GLIPR1L2: variants seen among roughly 807,000 people sequenced by gnomAD.
The protein encoded by GLIPR1L2 is GLIPR1 like 2, also known as GLIPR1-like protein 2.
GLIPR1L2 carries 21 observed loss-of-function variants against 28.4 expected under a neutral mutation model. The observed-to-expected ratio is 0.74, with a 90% CI of 0.52 to 1.06. GLIPR1L2 has a LOEUF of 1.06. Among genes scored for constraint, GLIPR1L2 ranks in the 50% least tolerant of loss-of-function variants. The pLI is 0.00. For synonymous variants in GLIPR1L2, 145 were observed against 139.3 expected, an observed-to-expected ratio of 1.04 and a Z score of -0.29; for missense variants, 476 against 416.9, an observed-to-expected ratio of 1.14 and a Z score of -1.23.
intron 1 of GLIPR1L2, among the ~76,000 whole-genome samples, chr12:75,405,433 T>G (rs1002340640): frequency 2.0e-5 from 3 of 152,146 alleles, no homozygotes; most frequent in Non-Finnish European, 4.4e-5. Context: ...CTGCCTCTAG[T>G]GAGCAAGGGC....
chr12:75,406,781 GAGAGAGAA>G (rs1387988060), intron 1 of GLIPR1L2, among the ~76,000 whole-genome samples: 90 of 148,214 alleles, frequency 6.1e-4, no homozygotes, highest in Non-Finnish European at 1.1e-3. Flanking sequence ...AAAAGAGAGA[GAGAGAGAA>G]AGAGAGAGAG....
intron 4 of GLIPR1L2, among the ~76,000 whole-genome samples, chr12:75,426,446 T>C (rs1046352699): frequency 1.3e-5 from 2 of 152,194 alleles, no homozygotes; most frequent in Non-Finnish European, 2.9e-5. Flanking sequence ...AGTTCTCCAT[T>C]GTATTATACT....
chr12:75,410,768 C>A (rs928205152), intron 2 of GLIPR1L2, 89 bp downstream of exon 2: 38 of 971,734 alleles, frequency 3.9e-5, no homozygotes, highest in Admixed American at 8.9e-5. Context: ...TACATAAACT[C>A]AAATAATAAA....
intron 1 of GLIPR1L2, among the ~76,000 whole-genome samples, chr12:75,404,334 CTT>C (rs1302007184): frequency 6.6e-6 from 1 of 152,046 alleles, no homozygotes; most frequent in Non-Finnish European, 1.5e-5. Context: ...CTCAACAAGT[CTT>C]ATATAAATTA....
At chr12:75,422,113 C>T (rs1056198663) in intron 3 of GLIPR1L2, among the ~76,000 whole-genome samples, 1 of 151,476 alleles carries the variant, frequency 6.6e-6, no homozygotes, top group Non-Finnish European at 1.5e-5. Context: ...TCCTCAGTAT[C>T]CCGAGTAGCT....
At chr12:75,412,187 CCTCTTT>C (rs1775235958) in intron 2 of GLIPR1L2, among the ~76,000 whole-genome samples, 1 of 151,904 alleles carries the variant, frequency 6.6e-6, no homozygotes, top group African/African-American at 2.4e-5. Context: ...AACTTTTTCT[CCTCTTT>C]CTCATCTTCC....
chr12:75,430,669 A>C, intron 4 of GLIPR1L2, 46 bp from the exon 5 acceptor site: 2 of 1,495,492 alleles, frequency 1.3e-6, no homozygotes, highest in Non-Finnish European at 1.8e-6. Context: ...TTTTAGACAA[A>C]GAAGAAATTT....
intron 1 of GLIPR1L2, among the ~76,000 whole-genome samples, chr12:75,397,855 T>C (rs1456672644): frequency 6.6e-6 from 1 of 152,164 alleles, no homozygotes; most frequent in Non-Finnish European, 1.5e-5. Context: ...CCAGAACTTG[T>C]CTTAGATGGT....
At chr12:75,416,071 A>T (rs1200683145) in intron 3 of GLIPR1L2, among the ~76,000 whole-genome samples, 1 of 152,124 alleles carries the variant, frequency 6.6e-6, no homozygotes, top group African/African-American at 2.4e-5. Flanking sequence ...AGGAAAGGTC[A>T]GTTTCTGGGT....
chr12:75,394,967 G>GT (rs2045668194), intron 1 of GLIPR1L2, among the ~76,000 whole-genome samples: 1 of 151,722 alleles, frequency 6.6e-6, no homozygotes, highest in Admixed American at 6.6e-5. Flanking sequence ...CTTTGGCTAA[G>GT]TTTATTCCTA....
intron 4 of GLIPR1L2, among the ~76,000 whole-genome samples, chr12:75,427,663 A>G (rs139325286): frequency 0.017 from 2,608 of 152,242 alleles, 75 homozygotes; most frequent in African/African-American, 0.058. Context: ...CCACCCAAAT[A>G]TCATCTTGAA....
At chr12:75,425,579 C>T (rs2046026176) in intron 4 of GLIPR1L2, among the ~76,000 whole-genome samples, 1 of 152,168 alleles carries the variant, frequency 6.6e-6, no homozygotes, top group Admixed American at 6.5e-5. Context: ...CCAATTAATA[C>T]AAGACAATTT....
At chr12:75,402,773 C>T (rs1213835704) in intron 1 of GLIPR1L2, among the ~76,000 whole-genome samples, 4 of 152,178 alleles carry the variant, frequency 2.6e-5, no homozygotes, top group Admixed American at 1.3e-4. Context: ...CTGCCTTCAG[C>T]AAGAATCTTT....
At chr12:75,414,549 A>G (rs577578079) in intron 3 of GLIPR1L2, among the ~76,000 whole-genome samples, 4 of 152,066 alleles carry the variant, frequency 2.6e-5, no homozygotes, top group African/African-American at 9.7e-5. Flanking sequence ...CTGTGCATCA[A>G]ATTAAACTCA....
chr12:75,393,177 T>C (rs1490677632), intron 1 of GLIPR1L2, among the ~76,000 whole-genome samples: 2 of 152,144 alleles, frequency 1.3e-5, no homozygotes, highest in East Asian at 3.8e-4. Context: ...TGTAGTACTT[T>C]TGTTCTACCT....
chr12:75,394,493 T>A lies in GLIPR1L2; in HGVS notation c.234+3143T>A, dbSNP rs537954500. Among the ~76,000 whole-genome samples, 199 of 152,134 alleles carry A rather than the reference T, an allele frequency of 1.3e-3. 2 individuals carry two copies. The highest frequency in any genetic ancestry group is 5.2e-3 in the South Asian group (25 of 4,828). ...TAACTTCATTTGCTGGAAAGATTGT[T>A]ATTTTCCCCATAAAATGGTCTTTCC... On this transcript the variant is annotated intron_variant, in intron 1 of 5. Coordinates refer to ENST00000550916, the MANE Select transcript of GLIPR1L2 (RefSeq NM_001270396.2).
rs1239384528 is a variant in GLIPR1L2, at chr12:75,432,576, G to C, written c.*1415G>C. 6.6e-6 allele frequency: 1 copy of C among 151,648 alleles called. No individual in the cohort carries two copies. Among genetic ancestry groups the C allele is most frequent in the Non-Finnish European group, 1.5e-5 (1 of 67,930 alleles). 9.4% of individuals were successfully genotyped at this position (151,648 alleles called of 1,614,324 possible). A position where few individuals can be genotyped will look rare whatever the true frequency, so the allele number is the denominator to read the frequency against. The stretch of plus-strand genomic sequence containing the variant: ...GCCAAATACCTCAAATGGTATAAAT[G>C]CTATGTGTATTTACTCTGTTGTTCT... On this transcript the variant is annotated 3_prime_UTR_variant, in exon 6 of 6. Coordinates refer to ENST00000550916, the MANE Select transcript of GLIPR1L2 (RefSeq NM_001270396.2).
At chr12:75,396,309 A>G (rs1252055513) in intron 1 of GLIPR1L2, among the ~76,000 whole-genome samples, 1 of 151,926 alleles carries the variant, frequency 6.6e-6, no homozygotes, top group Non-Finnish European at 1.5e-5. Context: ...GACTACAGGT[A>G]CTCACCACCA....
In GLIPR1L2 at chr12:75,391,460, C is replaced by T; in HGVS notation, c.234+110C>T. On this transcript the variant is annotated intron_variant, in intron 1 of 5. Transcript: ENST00000550916. The stretch of plus-strand genomic sequence containing the variant: ...CTGAGGCTGAAGGATCGCGGAGAAC[C>T]GCACTTTTAGCTTGGTTTTTAAAGT... 2.5e-6 allele frequency: 4 copies of T among 1,576,046 alleles called. No individual in the cohort carries two copies. In the South Asian group the frequency reaches 3.4e-5, roughly 14 times the overall value.
Sources: gnomAD v4.1 joint callset for allele counts (sites outside exome capture counted in the v4.1 genomes callset) on GRCh38, gnomAD v4.1.1 for gene constraint, MANE v1.5 for transcripts, NCBI Gene and HGNC (gene_info 2026-07-23, HGNC 2026-07-21) for gene names.